The following PCDH11X variants were observed in gnomAD, a reference collection of about 807,000 sequenced individuals.
PCDH11X encodes the protein protocadherin 11 X-linked, also known as protocadherin-11 X-linked.
A neutral mutation model predicts 53.3 loss-of-function variants in PCDH11X; 18 were observed. That is an observed-to-expected ratio of 0.34 (90% CI 0.23 to 0.50). The LOEUF is 0.50. Among genes scored for constraint, PCDH11X ranks in the 20% least tolerant of loss-of-function variants. PCDH11X has a pLI of 0.98. For missense variants in PCDH11X, 570 were observed against 1,032.4 expected (o/e 0.55, Z 6.14); for synonymous variants, 279 against 393.3 (o/e 0.71, Z 3.44).
At chrX:92,597,852 G>A (rs767800445) in intron 10 of PCDH11X, among the ~76,000 whole-genome samples, 3 of 111,293 alleles carry the variant, frequency 2.7e-5, no homozygotes, top group South Asian at 3.8e-4. Context: ...GAACAGAATC[G>A]AGAACCTACA....
intron 8 of PCDH11X, among the ~76,000 whole-genome samples, chrX:92,298,285 G>A (rs1435642011): frequency 1.8e-5 from 2 of 111,810 alleles, no homozygotes; most frequent in Non-Finnish European, 3.8e-5. Flanking sequence ...CTGCGGATTT[G>A]TCATAGATGA....
intron 7 of PCDH11X, among the ~76,000 whole-genome samples, chrX:92,216,673 C>A (rs2066722797): frequency 1.4e-5 from 1 of 70,298 alleles, no homozygotes; most frequent in African/African-American, 5.5e-5. Flanking sequence ...CAAGGCAGAC[C>A]AACATTCAGA....
chrX:91,965,867 T>C (rs1300385716), intron 6 of PCDH11X, among the ~76,000 whole-genome samples: 1 of 111,769 alleles, frequency 8.9e-6, no homozygotes, highest in Non-Finnish European at 1.9e-5. Flanking sequence ...GGGTTTGGTC[T>C]AGGTTCTGCT....
intron 9 of PCDH11X, among the ~76,000 whole-genome samples, chrX:92,443,495 G>A (rs1325511333): frequency 9.0e-6 from 1 of 111,299 alleles, no homozygotes; most frequent in Non-Finnish European, 1.9e-5. Context: ...TCTGCTGATA[G>A]TTTCTTTTGT....
intron 6 of PCDH11X, among the ~76,000 whole-genome samples, chrX:91,950,544 GTATATA>G (rs377503795): frequency 1.1e-5 from 1 of 91,433 alleles, no homozygotes; most frequent in Non-Finnish European, 2.2e-5. Flanking sequence ...TATCAATGTG[GTATATA>G]TATATATATA....
At chrX:92,132,663 ATATATGTATATG>A (rs2065010925) in intron 6 of PCDH11X, among the ~76,000 whole-genome samples, 10 of 56,402 alleles carry the variant, frequency 1.8e-4, no homozygotes, top group East Asian at 2.0e-3. Context: ...ATATGTATAT[ATATATGTATATG>A]TATATATATA....
intron 7 of PCDH11X, among the ~76,000 whole-genome samples, chrX:92,223,923 A>G (rs1168988917): frequency 9.0e-6 from 1 of 111,426 alleles, no homozygotes; most frequent in Non-Finnish European, 1.9e-5. Context: ...TGCTACGGTT[A>G]CACAAATGCT....
intron 8 of PCDH11X, among the ~76,000 whole-genome samples, chrX:92,378,052 A>C (rs1249908759): frequency 9.3e-6 from 1 of 107,683 alleles, no homozygotes; most frequent in Non-Finnish European, 1.9e-5. Context: ...TTCTCTGATC[A>C]ATACAATGTA....
intron 8 of PCDH11X, among the ~76,000 whole-genome samples, chrX:92,336,097 G>C (rs1459769018): frequency 9.0e-6 from 1 of 110,557 alleles, no homozygotes; most frequent in African/African-American, 3.3e-5. Flanking sequence ...TACAAGGAAG[G>C]TATCTACCAA....
At chrX:92,262,928 G>A in intron 7 of PCDH11X, 186 bp from the exon 8 acceptor site, 1 of 518,963 alleles carries the variant, frequency 1.9e-6, no homozygotes, top group Non-Finnish European at 2.3e-6. Context: ...TCAAACCACT[G>A]AAGAATGTAG....
intron 8 of PCDH11X, among the ~76,000 whole-genome samples, chrX:92,330,337 G>A (rs1210508282): frequency 1.8e-5 from 2 of 110,891 alleles, no homozygotes; most frequent in East Asian, 2.8e-4. Context: ...TGAAAAACAA[G>A]CACATTAAAA....
At chrX:92,349,847 T>C (rs1473635493) in intron 8 of PCDH11X, among the ~76,000 whole-genome samples, 1 of 109,052 alleles carries the variant, frequency 9.2e-6, no homozygotes, top group African/African-American at 3.4e-5. Context: ...ATGTAAGTGT[T>C]CTGAGGACGG....
chrX:92,622,527 ATTTC>A lies in PCDH11X; in HGVS notation c.*3590_*3593del, dbSNP rs2148825681. 1 of 110,403 alleles carries A rather than the reference ATTTC, an allele frequency of 9.1e-6. No individual in the cohort carries two copies. Among genetic ancestry groups the A allele is most frequent in the South Asian group, 3.7e-4 (1 of 2,677 alleles). The allele number at this position is 110,403 out of a possible 1,213,427, so 9.1% of individuals were successfully genotyped here. On this transcript the variant is annotated 3_prime_UTR_variant, in exon 11 of 11. Coordinates refer to ENST00000682573, the MANE Select transcript of PCDH11X (RefSeq NM_032968.5). ...ATTTATATTTTTTATTATAATTATT[ATTTC>A]TTATCTTTCTTCTTTTATATTTTTT...
chrX:92,096,989 A>G (rs774727265), intron 6 of PCDH11X, among the ~76,000 whole-genome samples: 1 of 112,282 alleles, frequency 8.9e-6, no homozygotes, highest in East Asian at 2.8e-4. Flanking sequence ...ACTCATGTCA[A>G]TCTTTATTAG....
At chrX:92,033,370 G>A (rs764794083) in intron 6 of PCDH11X, among the ~76,000 whole-genome samples, 4 of 92,572 alleles carry the variant, frequency 4.3e-5, no homozygotes, top group Non-Finnish European at 6.2e-5. Flanking sequence ...TGGGTCCCAG[G>A]CCTTTTTTTT....
At position 92,115,542 on chromosome X, in the gene PCDH11X, T is replaced by C. The variant is rs774691608; in HGVS notation, c.3034-85833T>C. On this transcript the variant is annotated intron_variant, in intron 6 of 10. Coordinates refer to ENST00000682573, the MANE Select transcript of PCDH11X (RefSeq NM_032968.5). ...CACAAGATGAAGTCCCACGATAGAC[T>C]GTCTGCAAGCTGAAGAGCTAGGAAG... Among the ~76,000 whole-genome samples, 7 of 110,459 alleles carry C rather than the reference T, an allele frequency of 6.3e-5. No homozygotes were observed. The South Asian group carries it at 2.4e-3, about 38-fold the overall frequency.
chrX:92,438,349 G>C (rs1032411099), intron 9 of PCDH11X, among the ~76,000 whole-genome samples: 8 of 111,269 alleles, frequency 7.2e-5, no homozygotes, highest in African/African-American at 2.0e-4. Flanking sequence ...ATTATTAAGG[G>C]AATTGATTAT....
rs150426003 is a variant in PCDH11X at position 92,027,088 on chromosome X, T to G, written c.3033+147815T>G. 4.6e-3 allele frequency among the ~76,000 whole-genome samples: 515 copies of G among 111,573 alleles called. 20 individuals carry two copies. The East Asian group carries it at 0.12, about 25-fold the overall frequency. ...TAAATTTCTTCCTTGTGTTAAAATA[T>G]CCAGTATTTGTGCATATGTGTATAT... On this transcript the variant is annotated intron_variant, in intron 6 of 10. Transcript: ENST00000682573.
At position 92,201,459 on chromosome X, in the gene PCDH11X, T is replaced by G. The variant is rs4252206; in HGVS notation, c.3114+4T>G. On this transcript the variant is annotated splice_donor_region_variant and intron_variant, in intron 7 of 10. Transcript: ENST00000682573. ...CTGGATTCATCCCCAACCACAGGTATGGCAAAAGCCCTATGATTTTTCCTC... is the reference window on the plus strand; with the variant it reads ...CTGGATTCATCCCCAACCACAGGTAGGGCAAAAGCCCTATGATTTTTCCTC... The G allele has an allele frequency of 0.04, 45,115 of 1,138,907 alleles. 1,406 individuals are homozygous for G. The highest frequency in any genetic ancestry group is 0.2 in the East Asian group (6,563 of 32,614). The allele number at this position is 1,138,907 out of a possible 1,213,427, so 93.9% of individuals were successfully genotyped here.
Sources: allele counts gnomAD v4.1 joint callset (sites outside exome capture counted in the v4.1 genomes callset), GRCh38; gene constraint gnomAD v4.1.1; transcripts MANE v1.5; gene names NCBI Gene and HGNC (gene_info 2026-07-23, HGNC 2026-07-21).